Variants in OPCML observed in about 807,000 individuals in gnomAD.
OPCML encodes the protein opioid-binding protein/cell adhesion molecule.
A neutral mutation model predicts 37.8 loss-of-function variants in OPCML; 13 were observed. The ratio of observed to expected loss-of-function variants is 0.34; its 90% CI spans 0.22 to 0.55. OPCML has a LOEUF of 0.55. OPCML is among the 20% of genes least tolerant of loss of function. The pLI, the probability that OPCML is intolerant of heterozygous loss-of-function variation, is 0.91. For synonymous variants in OPCML, 176 were observed against 168.8 expected (o/e 1.04, Z -0.33); for missense variants, 341 against 435.6 (o/e 0.78, Z 1.93).
chr11:133,261,726 G>T (rs547222178), intron 1 of OPCML, among the ~76,000 whole-genome samples: 1 of 152,228 alleles, frequency 6.6e-6, no homozygotes, highest in Non-Finnish European at 1.5e-5. Context: ...TGGAGAAAGA[G>T]AGACGGGGAG....
chr11:132,917,938 G>A (rs2725445), intron 2 of OPCML, among the ~76,000 whole-genome samples: 7,608 of 152,172 alleles, frequency 0.05, 293 homozygotes, highest in Middle Eastern at 0.15. Context: ...AATCTATGGT[G>A]CTCCATGATT....
At chr11:132,808,263 T>A (rs757402071) in intron 2 of OPCML, among the ~76,000 whole-genome samples, 1 of 152,214 alleles carries the variant, frequency 6.6e-6, no homozygotes, top group African/African-American at 2.4e-5. Context: ...TGAGACACTA[T>A]AGCACGGTGG....
intron 1 of OPCML, among the ~76,000 whole-genome samples, chr11:133,437,490 TG>T (rs1946258873): frequency 2.0e-5 from 3 of 152,280 alleles, no homozygotes; most frequent in African/African-American, 7.2e-5. Flanking sequence ...AATTAGGGTC[TG>T]GTACACATTT....
intron 2 of OPCML, among the ~76,000 whole-genome samples, chr11:132,809,942 C>T (rs1006302580): frequency 2.0e-5 from 3 of 152,178 alleles, no homozygotes; most frequent in Non-Finnish European, 2.9e-5. Context: ...CTCCGCCTCC[C>T]GGGTTCACGC....
chr11:133,283,837 T>C (rs1481944565), intron 1 of OPCML, among the ~76,000 whole-genome samples: 1 of 152,226 alleles, frequency 6.6e-6, no homozygotes, highest in African/African-American at 2.4e-5. Flanking sequence ...CTTTCTAGTC[T>C]GTGCTCAGCT....
intron 1 of OPCML, among the ~76,000 whole-genome samples, chr11:133,284,214 G>A (rs1942237414): frequency 6.6e-6 from 1 of 152,170 alleles, no homozygotes; most frequent in Admixed American, 6.5e-5. Context: ...AACCCAACCT[G>A]TACCGTGGCT....
At chr11:133,243,792 C>T (rs938200064) in intron 1 of OPCML, among the ~76,000 whole-genome samples, 7 of 152,140 alleles carry the variant, frequency 4.6e-5, no homozygotes, top group African/African-American at 1.2e-4. Flanking sequence ...TGCTTATTTG[C>T]GAAATAAAGG....
intron 2 of OPCML, among the ~76,000 whole-genome samples, chr11:132,724,400 G>A (rs889428541): frequency 6.6e-5 from 10 of 152,030 alleles, no homozygotes; most frequent in Non-Finnish European, 8.8e-5. Context: ...ATGAGATCTC[G>A]TGAGACTTAT....
intron 1 of OPCML, among the ~76,000 whole-genome samples, chr11:133,379,136 A>G (rs547678340): frequency 2.0e-5 from 3 of 152,318 alleles, no homozygotes; most frequent in African/African-American, 7.2e-5. Flanking sequence ...GCAGAGACCA[A>G]TATCATAACC....
intron 1 of OPCML, among the ~76,000 whole-genome samples, chr11:133,271,667 A>G (rs1941838103): frequency 6.6e-6 from 1 of 152,256 alleles, no homozygotes; most frequent in African/African-American, 2.4e-5. Flanking sequence ...ACTGATTGGT[A>G]GAACCAATAT....
chr11:132,659,036 CAA>C (rs1565753847), intron 2 of OPCML, among the ~76,000 whole-genome samples: 1 of 152,206 alleles, frequency 6.6e-6, no homozygotes, highest in Non-Finnish European at 1.5e-5. Flanking sequence ...TTCCAGGGCC[CAA>C]CTGCATTCAC....
At chr11:132,576,722 T>C (rs4306297) in intron 3 of OPCML, among the ~76,000 whole-genome samples, 111,995 of 152,010 alleles carry the variant, frequency 0.74, 41,785 homozygotes, top group East Asian at 0.87. Flanking sequence ...GATTGATTAT[T>C]TATCCTGGTC....
At chr11:132,684,404 G>A (rs1226978639) in intron 2 of OPCML, among the ~76,000 whole-genome samples, 1 of 152,112 alleles carries the variant, frequency 6.6e-6, no homozygotes, top group Non-Finnish European at 1.5e-5. Flanking sequence ...TAAAACTCAT[G>A]CTTCACCCCT....
chr11:132,953,191 A>G (rs533159786), intron 1 of OPCML, among the ~76,000 whole-genome samples: 11 of 152,182 alleles, frequency 7.2e-5, no homozygotes, highest in African/African-American at 2.6e-4. Context: ...CAGAGTTTTT[A>G]TTTTGCTCAT....
chr11:132,888,562 A>G (rs1188016886), intron 2 of OPCML, among the ~76,000 whole-genome samples: 3 of 152,196 alleles, frequency 2.0e-5, no homozygotes, highest in Admixed American at 6.5e-5. Flanking sequence ...TTCTCTGGAG[A>G]TGTAACAAAA....
chr11:133,457,996 A>C (rs1324882760), intron 1 of OPCML, among the ~76,000 whole-genome samples: 1 of 151,898 alleles, frequency 6.6e-6, no homozygotes, highest in African/African-American at 2.4e-5. Flanking sequence ...AGTACAAAAA[A>C]TTAGCTGGGC....
At chr11:132,947,681 C>CTTCCACA (rs1945774764) in intron 1 of OPCML, among the ~76,000 whole-genome samples, 1 of 152,134 alleles carries the variant, frequency 6.6e-6, no homozygotes, top group Non-Finnish European at 1.5e-5. Context: ...TGAACAAGGA[C>CTTCCACA]TAAGTAGTTT....
chr11:133,017,867 T>C (rs1360713192), intron 1 of OPCML, among the ~76,000 whole-genome samples: 1 of 152,224 alleles, frequency 6.6e-6, no homozygotes, highest in Admixed American at 6.5e-5. Context: ...TCGTTTTCAA[T>C]GTCAGTCTTC....
chr11:132,605,025 A>G lies in OPCML; in HGVS notation c.379+52062T>C, dbSNP rs1938188473. 2.6e-5 allele frequency among the ~76,000 whole-genome samples: 4 copies of G among 152,210 alleles called. No individual in the cohort carries two copies. The South Asian group carries it at 8.3e-4, about 32-fold the overall frequency. Reference sequence around the variant, plus strand: ...TCTGGCCCTGACATGCAGAGGGTTTAGAATGGTGGAAAGGGAGTATTTAAA... The same window carrying G: ...TCTGGCCCTGACATGCAGAGGGTTTGGAATGGTGGAAAGGGAGTATTTAAA... On this transcript the variant is annotated intron_variant, in intron 3 of 7. Transcript: ENST00000524381.
Sources: allele counts gnomAD v4.1 joint callset (sites outside exome capture counted in the v4.1 genomes callset), GRCh38; gene constraint gnomAD v4.1.1; transcripts MANE v1.5; gene names NCBI Gene and HGNC (gene_info 2026-07-23, HGNC 2026-07-21).